NEO1: variants seen among roughly 807,000 people sequenced by gnomAD.
The protein encoded by NEO1 is neogenin.
Under a neutral mutation model 159.7 loss-of-function variants are expected in NEO1, and 63 were observed. The ratio of observed to expected loss-of-function variants is 0.39; its 90% CI spans 0.32 to 0.49. NEO1 has a LOEUF of 0.49. Ranked by LOEUF, NEO1 falls within the 20% of genes least tolerant of loss-of-function variation. The pLI, the probability that NEO1 is intolerant of heterozygous loss-of-function variation, is 0.85. For synonymous variants in NEO1, 633 were observed against 662.0 expected, an observed-to-expected ratio of 0.96 and a Z score of 0.67; for missense variants, 1,615 against 1,831.0, an observed-to-expected ratio of 0.88 and a Z score of 2.15.
chr15:73,270,384 T>C lies in NEO1; in HGVS notation c.2787T>C (p.Ser929=). 6.2e-7 allele frequency: 1 copy of C among 1,614,184 alleles called. No homozygotes were observed. Among genetic ancestry groups the C allele is most frequent in the Non-Finnish European group, 8.5e-7 (1 of 1,180,040 alleles). ...AGCCGAATACACTCTATGAATTCTC[T>C]GTGATGGTGACCAAAGGTCGAAGAT... ...GLKPNTLYEF[S]VMVTKGRRSS... The change falls in exon 18 of 29, where the codon TCT becomes TCC. Residue 929 remains serine, a synonymous_variant. Transcript: ENST00000261908.
At chr15:73,282,821 A>G in intron 22 of NEO1, 143 bp from the exon 23 acceptor site, 1 of 952,200 alleles carries the variant, frequency 1.1e-6, no homozygotes, top group South Asian at 1.6e-5. Flanking sequence ...GAAGAGAGCC[A>G]TGTTCACGCG....
chr15:73,114,165 C>T (rs867008861), intron 1 of NEO1, among the ~76,000 whole-genome samples: 9 of 152,120 alleles, frequency 5.9e-5, no homozygotes, highest in African/African-American at 2.2e-4. Flanking sequence ...TTAAGCTGAG[C>T]TTGAAGGAAG....
chr15:73,297,303 C>T (rs2042412638), intron 26 of NEO1, among the ~76,000 whole-genome samples: 1 of 152,166 alleles, frequency 6.6e-6, no homozygotes, highest in South Asian at 2.1e-4. Context: ...ATTTGCTTAA[C>T]CTCCCAGTGC....
intron 7 of NEO1, among the ~76,000 whole-genome samples, chr15:73,196,274 G>C (rs114740367): frequency 2.0e-5 from 3 of 152,144 alleles, no homozygotes; most frequent in Non-Finnish European, 4.4e-5. Context: ...TCTCTTGCAC[G>C]CAAGAATGGG....
intron 2 of NEO1, among the ~76,000 whole-genome samples, chr15:73,117,591 G>T (rs1234857152): frequency 2.6e-5 from 4 of 152,118 alleles, no homozygotes; most frequent in African/African-American, 9.7e-5. Context: ...TTGGTGAAAC[G>T]CCCACGTGTG....
chr15:73,112,681 A>G (rs879343038), intron 1 of NEO1, among the ~76,000 whole-genome samples: 7 of 152,116 alleles, frequency 4.6e-5, no homozygotes, highest in Non-Finnish European at 1.0e-4. Flanking sequence ...GTAGTATAAG[A>G]TCACAGACCC....
At chr15:73,242,983 T>A (rs1283683628) in intron 8 of NEO1, among the ~76,000 whole-genome samples, 1 of 152,204 alleles carries the variant, frequency 6.6e-6, no homozygotes, top group Non-Finnish European at 1.5e-5. Flanking sequence ...TCATCCATGA[T>A]CAGACCAAGT....
chr15:73,267,083 C>A lies in NEO1; in HGVS notation c.2494+672C>A, dbSNP rs534837309. Among the ~76,000 whole-genome samples, 299 of 152,226 alleles carry A rather than the reference C, an allele frequency of 2.0e-3. 2 individuals are homozygous for A. The highest frequency in any genetic ancestry group is 3.4e-3 in the Middle Eastern group (1 of 294). The stretch of plus-strand genomic sequence containing the variant: ...ACCATCCTGGCTAACACAGTGAAAC[C>A]CTATCTCTACTAAAAATACAAAAAA... On this transcript the variant is annotated intron_variant, in intron 16 of 28. Coordinates refer to ENST00000261908, the MANE Select transcript of NEO1 (RefSeq NM_002499.4).
At chr15:73,200,578 A>G (rs1324475372) in intron 7 of NEO1, among the ~76,000 whole-genome samples, 1 of 150,718 alleles carries the variant, frequency 6.6e-6, no homozygotes, top group Non-Finnish European at 1.5e-5. Context: ...GGGAGTCTCT[A>G]GAGAGAGAGA....
chr15:73,234,540 A>G (rs2039074298), intron 7 of NEO1, among the ~76,000 whole-genome samples: 1 of 152,206 alleles, frequency 6.6e-6, no homozygotes, highest in African/African-American at 2.4e-5. Context: ...TGTGAATGAG[A>G]GGTATTTATT....
At chr15:73,285,459 A>G (rs2041907083) in intron 23 of NEO1, among the ~76,000 whole-genome samples, 1 of 152,316 alleles carries the variant, frequency 6.6e-6, no homozygotes, top group South Asian at 2.1e-4. Context: ...GGCACGTCCT[A>G]CAGATTTGGG....
At position 73,244,345 on chromosome 15, in the gene NEO1, G is replaced by A. The variant is rs1193355978; in HGVS notation, c.1453G>A (p.Glu485Lys). ...TCTCTCCAAATCCTTTGTCTAAAGG[G>A]AACGTGTTGAGAATACCAGTCACCC... Reference protein sequence around the residue: ...VFYTKEGIARERVENTSHPGE... With the variant: ...VFYTKEGIARKRVENTSHPGE... Residue 485 changes from glutamate (E) to lysine (K), a missense_variant and splice_region_variant, in exon 9 of 29, where the codon GAA becomes AAA. This residue lies in a region of NEO1 where 1,018 missense variants were observed against 1,115.4 expected (regional missense o/e 0.91). Coordinates refer to ENST00000261908, the MANE Select transcript of NEO1 (RefSeq NM_002499.4). The A allele has an allele frequency of 9.9e-6, 16 of 1,612,356 alleles. No homozygotes were observed. Among genetic ancestry groups the A allele is most frequent in the Non-Finnish European group, 1.4e-5 (16 of 1,179,136 alleles).
chr15:73,214,734 T>C (rs1300490604), intron 7 of NEO1, among the ~76,000 whole-genome samples: 2 of 152,194 alleles, frequency 1.3e-5, no homozygotes, highest in African/African-American at 4.8e-5. Flanking sequence ...TCTTTTTGCT[T>C]AGTCTTGCTT....
intron 5 of NEO1, among the ~76,000 whole-genome samples, chr15:73,175,400 T>G (rs2035223865): frequency 6.6e-6 from 1 of 152,226 alleles, no homozygotes; most frequent in Non-Finnish European, 1.5e-5. Flanking sequence ...ATTTGCTTAC[T>G]GAAATCTGTA....
At chr15:73,080,529 T>C (rs954258770) in intron 1 of NEO1, among the ~76,000 whole-genome samples, 1 of 151,994 alleles carries the variant, frequency 6.6e-6, no homozygotes, top group East Asian at 1.9e-4. Context: ...TTTTCCATTT[T>C]TTTTTTTCTT....
At chr15:73,095,902 G>C (rs1024612648) in intron 1 of NEO1, among the ~76,000 whole-genome samples, 1 of 152,106 alleles carries the variant, frequency 6.6e-6, no homozygotes, top group African/African-American at 2.4e-5. Flanking sequence ...TGCTACCAGG[G>C]ATAAAACATC....
intron 8 of NEO1, among the ~76,000 whole-genome samples, chr15:73,241,556 G>A (rs2039488113): frequency 6.6e-6 from 1 of 152,164 alleles, no homozygotes; most frequent in South Asian, 2.1e-4. Flanking sequence ...AAGCATTAGT[G>A]ACTTTTCCTC....
At position 73,259,444 on chromosome 15, in the gene NEO1, C is replaced by T. The variant is rs941232248; in HGVS notation, c.2203+568C>T. On this transcript the variant is annotated intron_variant, in intron 14 of 28. Coordinates refer to ENST00000261908, the MANE Select transcript of NEO1 (RefSeq NM_002499.4). ...GTGCAGTCATGGTTCACTGCAGCCTCGACCTCCCATGCTTAAGCACGATCC... is the reference window on the plus strand; with the variant it reads ...GTGCAGTCATGGTTCACTGCAGCCTTGACCTCCCATGCTTAAGCACGATCC... Among the ~76,000 whole-genome samples the T allele has an allele frequency of 2.0e-5, 3 of 148,774 alleles. No individual in the cohort carries two copies. The South Asian group carries it at 6.4e-4, about 32-fold the overall frequency.
intron 8 of NEO1, among the ~76,000 whole-genome samples, chr15:73,243,303 T>C (rs901483462): frequency 1.3e-5 from 2 of 152,108 alleles, no homozygotes; most frequent in Admixed American, 6.5e-5. Context: ...CATATGGTCA[T>C]GTAGACCTAC....
Sources: gnomAD v4.1 joint callset for allele counts (sites outside exome capture counted in the v4.1 genomes callset) on GRCh38, gnomAD v4.1.1 for gene constraint, gnomAD v4.1.1 regional missense constraint, MANE v1.5 for transcripts, NCBI Gene and HGNC (gene_info 2026-07-23, HGNC 2026-07-21) for gene names.